The following CTNNA3 variants were observed in gnomAD, a reference collection of about 807,000 sequenced individuals.
CTNNA3 encodes the protein catenin alpha-3.
CTNNA3 carries 76 observed loss-of-function variants against 95.7 expected under a neutral mutation model. The observed-to-expected ratio is 0.79, with a 90% CI of 0.66 to 0.96. The LOEUF (loss-of-function observed/expected upper bound fraction) is 0.96. CTNNA3 is among the 40% of genes least tolerant of loss of function. CTNNA3 has a pLI of 0.00. For missense variants in CTNNA3, 1,191 were observed against 1,089.8 expected, an observed-to-expected ratio of 1.09 and a Z score of -1.31; for synonymous variants, 431 against 374.4, an observed-to-expected ratio of 1.15 and a Z score of -1.74.
At chr10:66,027,250 T>C (rs1014710327) in intron 15 of CTNNA3, among the ~76,000 whole-genome samples, 2 of 152,132 alleles carry the variant, frequency 1.3e-5, no homozygotes, top group African/African-American at 4.8e-5. Context: ...CTAAATATTA[T>C]AATTAACACA....
Position 65,920,104 on chromosome 10 carries a change from T to C in CTNNA3, c.*226A>G, listed in dbSNP as rs2077058883. 9.1e-6 allele frequency: 5 copies of C among 546,892 alleles called. No individual in the cohort carries two copies. In the South Asian group the frequency reaches 1.2e-4, roughly 13 times the overall value. The allele number at this position is 546,892 out of a possible 1,614,324, so 33.9% of individuals were successfully genotyped here. On this transcript the variant is annotated 3_prime_UTR_variant, in exon 18 of 18. Coordinates refer to ENST00000433211, the MANE Select transcript of CTNNA3 (RefSeq NM_013266.4). ...GAATGACACGTGATAATTTCATTCATTCAACAAGCAAATATTCCTTAACTA... is the reference window on the plus strand; with the variant it reads ...GAATGACACGTGATAATTTCATTCACTCAACAAGCAAATATTCCTTAACTA...
intron 5 of CTNNA3, among the ~76,000 whole-genome samples, chr10:67,371,070 T>G (rs1447161750): frequency 2.0e-5 from 3 of 151,280 alleles, no homozygotes; most frequent in African/African-American, 4.8e-5. Flanking sequence ...GTTTCACCGT[T>G]TTAGCCTGGA....
At chr10:66,726,213 T>C (rs1848776743) in intron 9 of CTNNA3, among the ~76,000 whole-genome samples, 1 of 152,090 alleles carries the variant, frequency 6.6e-6, no homozygotes, top group Non-Finnish European at 1.5e-5. Flanking sequence ...TTCTTTTTCA[T>C]TGCAATGACA....
At chr10:67,142,988 T>A (rs1479102624) in intron 7 of CTNNA3, among the ~76,000 whole-genome samples, 2 of 152,020 alleles carry the variant, frequency 1.3e-5, no homozygotes, top group Non-Finnish European at 1.5e-5. Context: ...CTTTAGTGAG[T>A]TGAAATCTTT....
intron 11 of CTNNA3, among the ~76,000 whole-genome samples, chr10:66,511,512 C>A (rs1441121631): frequency 6.6e-6 from 1 of 150,814 alleles, no homozygotes; most frequent in Non-Finnish European, 1.5e-5. Context: ...TTAAACTTCC[C>A]TCTTGTACTA....
chr10:66,999,319 A>G (rs1851546999), intron 7 of CTNNA3, among the ~76,000 whole-genome samples: 1 of 152,182 alleles, frequency 6.6e-6, no homozygotes, highest in Non-Finnish European at 1.5e-5. Context: ...CGACACTGGA[A>G]TCTGAAATTA....
At chr10:67,332,781 GCT>G (rs1309150289) in intron 5 of CTNNA3, among the ~76,000 whole-genome samples, 3 of 152,050 alleles carry the variant, frequency 2.0e-5, no homozygotes, top group African/African-American at 7.2e-5. Flanking sequence ...TTCTCCTACA[GCT>G]CTAACTCTGG....
intron 7 of CTNNA3, among the ~76,000 whole-genome samples, chr10:66,901,029 A>G (rs1845720538): frequency 6.6e-6 from 1 of 152,150 alleles, no homozygotes; most frequent in Admixed American, 6.5e-5. Context: ...TACAGAGAAC[A>G]CCACAAAGAT....
chr10:66,115,232 G>T (rs1423805784), intron 13 of CTNNA3, among the ~76,000 whole-genome samples: 1 of 151,846 alleles, frequency 6.6e-6, no homozygotes, highest in African/African-American at 2.4e-5. Context: ...AAAATCTTTC[G>T]ATTGACAAGA....
intron 13 of CTNNA3, among the ~76,000 whole-genome samples, chr10:66,263,122 T>C (rs1457177890): frequency 6.6e-6 from 1 of 151,972 alleles, no homozygotes; most frequent in African/African-American, 2.4e-5. Context: ...TGTCTTTACA[T>C]TAGAGAAAGA....
chr10:66,892,595 G>GA (rs1265652127), intron 7 of CTNNA3, among the ~76,000 whole-genome samples: 1 of 151,976 alleles, frequency 6.6e-6, no homozygotes, highest in Non-Finnish European at 1.5e-5. Flanking sequence ...TTTTTAAAGT[G>GA]AAAAAATCCA....
chr10:67,639,480 G>A (rs1839446251), intron 2 of CTNNA3, among the ~76,000 whole-genome samples: 1 of 152,166 alleles, frequency 6.6e-6, no homozygotes, highest in African/African-American at 2.4e-5. Flanking sequence ...AACAGAAAAA[G>A]AGGGAATCCT....
chr10:67,070,876 T>G (rs183870797), intron 7 of CTNNA3, among the ~76,000 whole-genome samples: 187 of 152,358 alleles, frequency 1.2e-3, no homozygotes, highest in African/African-American at 4.4e-3. Flanking sequence ...TCTCATAACT[T>G]TTCTCTGCAT....
At chr10:66,179,981 C>T (rs1445033358) in intron 13 of CTNNA3, among the ~76,000 whole-genome samples, 4 of 151,986 alleles carry the variant, frequency 2.6e-5, no homozygotes, top group Non-Finnish European at 4.4e-5. Flanking sequence ...TGCTTTTTTT[C>T]TATCTTAGAA....
At chr10:66,271,364 T>A (rs2091277257) in intron 13 of CTNNA3, among the ~76,000 whole-genome samples, 1 of 152,192 alleles carries the variant, frequency 6.6e-6, no homozygotes, top group African/African-American at 2.4e-5. Flanking sequence ...AATGTAGATA[T>A]GCAGAGAAAC....
At chr10:67,583,194 T>TA (rs1272686385) in intron 3 of CTNNA3, among the ~76,000 whole-genome samples, 2 of 152,196 alleles carry the variant, frequency 1.3e-5, no homozygotes, top group Non-Finnish European at 2.9e-5. Context: ...CAGTGGCTGG[T>TA]ACCGGTTGTT....
At chr10:67,221,969 T>C (rs1291421711) in intron 5 of CTNNA3, among the ~76,000 whole-genome samples, 1 of 152,196 alleles carries the variant, frequency 6.6e-6, no homozygotes, top group African/African-American at 2.4e-5. Flanking sequence ...GCTGCTATTA[T>C]TAGTCCTATT....
At chr10:67,379,493 G>A (rs1843830444) in intron 5 of CTNNA3, among the ~76,000 whole-genome samples, 1 of 152,178 alleles carries the variant, frequency 6.6e-6, no homozygotes. Context: ...AACCCTTGGT[G>A]GGGAAAATGG....
intron 9 of CTNNA3, among the ~76,000 whole-genome samples, chr10:66,716,102 T>C (rs1374902754): frequency 6.6e-6 from 1 of 152,108 alleles, no homozygotes; most frequent in Admixed American, 6.6e-5. Flanking sequence ...GAAGAATTGG[T>C]AGCACACTTC....
Sources: gnomAD v4.1 joint callset for allele counts (sites outside exome capture counted in the v4.1 genomes callset) on GRCh38, gnomAD v4.1.1 for gene constraint, MANE v1.5 for transcripts, NCBI Gene and HGNC (gene_info 2026-07-23, HGNC 2026-07-21) for gene names.